GMDS: variants seen among roughly 807,000 people sequenced by gnomAD.
GMDS encodes the protein GDP-mannose 4,6 dehydratase.
Under a neutral mutation model 49.9 loss-of-function variants are expected in GMDS, and 20 were observed. That is an observed-to-expected ratio of 0.40 (90% CI 0.28 to 0.58). The LOEUF is 0.58. Ranked by LOEUF, GMDS falls within the 20% of genes least tolerant of loss-of-function variation. GMDS has a pLI of 0.42. For synonymous variants in GMDS, 177 were observed against 178.6 expected (o/e 0.99, Z 0.07); for missense variants, 362 against 481.4 (o/e 0.75, Z 2.32).
At chr6:1,645,178 C>T (rs1190945942) in intron 9 of GMDS, among the ~76,000 whole-genome samples, 1 of 152,102 alleles carries the variant, frequency 6.6e-6, no homozygotes, top group Non-Finnish European at 1.5e-5. Flanking sequence ...TCGTAATTCA[C>T]CCACCTCGGC....
chr6:1,786,439 T>C (rs550674149), intron 7 of GMDS, among the ~76,000 whole-genome samples: 11 of 152,120 alleles, frequency 7.2e-5, no homozygotes, highest in Admixed American at 6.5e-5. Context: ...GGGAATAGGA[T>C]GCAAAGACTT....
chr6:2,173,021 G>A (rs1389733707), intron 1 of GMDS, among the ~76,000 whole-genome samples: 1 of 152,118 alleles, frequency 6.6e-6, no homozygotes, highest in Non-Finnish European at 1.5e-5. Flanking sequence ...ACAATGCCGT[G>A]TTCTCAGTTT....
intron 4 of GMDS, among the ~76,000 whole-genome samples, chr6:2,107,689 G>A (rs181726589): frequency 5.9e-5 from 9 of 152,316 alleles, no homozygotes; most frequent in South Asian, 4.1e-4. Flanking sequence ...TTACTTGACC[G>A]TAGAGGTTTG....
intron 7 of GMDS, among the ~76,000 whole-genome samples, chr6:1,899,434 C>G (rs1014114503): frequency 6.6e-6 from 1 of 152,082 alleles, no homozygotes; most frequent in Non-Finnish European, 1.5e-5. Flanking sequence ...GTAGCAGTTA[C>G]AATGCTTGAT....
At chr6:1,649,016 A>T (rs1763569448) in intron 9 of GMDS, among the ~76,000 whole-genome samples, 1 of 152,240 alleles carries the variant, frequency 6.6e-6, no homozygotes, top group Admixed American at 6.5e-5. Flanking sequence ...TTACACACAT[A>T]TAATTACAAC....
At chr6:2,167,819 C>T (rs1777743561) in intron 1 of GMDS, among the ~76,000 whole-genome samples, 1 of 152,158 alleles carries the variant, frequency 6.6e-6, no homozygotes. Flanking sequence ...CATCCCACTC[C>T]ACTAAATCGT....
intron 4 of GMDS, among the ~76,000 whole-genome samples, chr6:2,011,277 T>C (rs758973575): frequency 6.6e-6 from 1 of 152,146 alleles, no homozygotes; most frequent in Non-Finnish European, 1.5e-5. Context: ...CAAATGACTA[T>C]TACTAAAAAG....
intron 4 of GMDS, among the ~76,000 whole-genome samples, chr6:2,077,991 T>C (rs1460123686): frequency 6.6e-6 from 1 of 152,046 alleles, no homozygotes; most frequent in African/African-American, 2.4e-5. Flanking sequence ...CTTTCTGTTT[T>C]TTCCAGATTC....
At chr6:1,802,556 G>C (rs1418427557) in intron 7 of GMDS, among the ~76,000 whole-genome samples, 1 of 152,246 alleles carries the variant, frequency 6.6e-6, no homozygotes, top group Non-Finnish European at 1.5e-5. Flanking sequence ...GCCTCTGAAA[G>C]GGAGAGGGCA....
intron 7 of GMDS, among the ~76,000 whole-genome samples, chr6:1,913,085 G>C (rs770477932): frequency 6.6e-6 from 1 of 151,910 alleles, no homozygotes; most frequent in Non-Finnish European, 1.5e-5. Flanking sequence ...GACCCTTTAA[G>C]AAAGTTTGCA....
At chr6:1,696,930 G>C (rs1765365336) in intron 9 of GMDS, among the ~76,000 whole-genome samples, 1 of 152,222 alleles carries the variant, frequency 6.6e-6, no homozygotes, top group South Asian at 2.1e-4. Context: ...TGACCCTGGG[G>C]TAAATAATGG....
chr6:2,016,543 T>C (rs1767911914), intron 4 of GMDS, among the ~76,000 whole-genome samples: 1 of 152,162 alleles, frequency 6.6e-6, no homozygotes, highest in Non-Finnish European at 1.5e-5. Context: ...TTGCTGAAAC[T>C]AGAGAACAGG....
At chr6:1,968,937 A>G (rs1764421659) in intron 4 of GMDS, among the ~76,000 whole-genome samples, 1 of 152,090 alleles carries the variant, frequency 6.6e-6, no homozygotes. Context: ...ATTTTAAAAC[A>G]GAAAGCCACG....
chr6:2,204,029 T>A (rs1779673401), intron 1 of GMDS, among the ~76,000 whole-genome samples: 1 of 152,204 alleles, frequency 6.6e-6, no homozygotes, highest in Admixed American at 6.5e-5. Context: ...TTTGGGTGAC[T>A]AACATTCTTA....
intron 4 of GMDS, among the ~76,000 whole-genome samples, chr6:1,962,613 G>A (rs1257234591): frequency 1.3e-5 from 2 of 151,838 alleles, no homozygotes; most frequent in Non-Finnish European, 2.9e-5. Context: ...ATCTTGTTGT[G>A]GTTTTTCTTT....
intron 6 of GMDS, among the ~76,000 whole-genome samples, chr6:1,933,689 GAT>G (rs1762397255): frequency 6.6e-6 from 1 of 152,174 alleles, no homozygotes; most frequent in African/African-American, 2.4e-5. Flanking sequence ...TGTCTATTCA[GAT>G]CCTTTGTCCA....
At chr6:2,070,383 C>T (rs1771915265) in intron 4 of GMDS, among the ~76,000 whole-genome samples, 1 of 151,500 alleles carries the variant, frequency 6.6e-6, no homozygotes, top group Middle Eastern at 3.2e-3. Flanking sequence ...CTAACCTGCA[C>T]ATTGTGCACA....
intron 4 of GMDS, among the ~76,000 whole-genome samples, chr6:2,068,853 A>G (rs2127456571): frequency 6.6e-6 from 1 of 152,308 alleles, no homozygotes; most frequent in Middle Eastern, 3.4e-3. Context: ...AAGGTAATTT[A>G]CAGATTCAAT....
At position 2,115,062 on chromosome 6, in the gene GMDS, CCTGT is replaced by C. The variant is rs548789595; in HGVS notation, c.345+705_345+708del. 9.8e-5 allele frequency among the ~76,000 whole-genome samples: 15 copies of C among 152,286 alleles called. No homozygotes were observed. In the East Asian group the frequency reaches 2.9e-3, roughly 29 times the overall value. ...TTTATTTCTCAGGTCCACTAACCAT[CCTGT>C]CTGAACAAGTATCTAAATAGAACTC... is the stretch of plus-strand genomic sequence containing the variant. On this transcript the variant is annotated intron_variant, in intron 4 of 10. Transcript: ENST00000380815.
Sources: gnomAD v4.1 joint callset for allele counts (sites outside exome capture counted in the v4.1 genomes callset) on GRCh38, gnomAD v4.1.1 for gene constraint, MANE v1.5 for transcripts, NCBI Gene and HGNC (gene_info 2026-07-23, HGNC 2026-07-21) for gene names.